Variants in CEP43 observed in about 807,000 individuals in gnomAD.
CEP43 encodes FGFR1 oncogene partner.
CEP43 carries 36 observed loss-of-function variants against 52.6 expected under a neutral mutation model. The ratio of observed to expected loss-of-function variants is 0.68; its 90% confidence interval spans 0.52 to 0.90. The LOEUF (loss-of-function observed/expected upper bound fraction) is 0.90. Ranked by LOEUF, CEP43 falls within the 40% of genes least tolerant of loss-of-function variation. The pLI, the probability that CEP43 is intolerant of heterozygous loss-of-function variation, is 0.00. For synonymous variants in CEP43, 192 were observed against 172.4 expected (o/e 1.11, Z -0.89); for missense variants, 506 against 472.8 (o/e 1.07, Z -0.65).
rs1221538894 is a variant in CEP43, at chr6:167,051,144, C to T, written c.*11166C>T. 1 of 152,066 alleles carries T rather than the reference C, an allele frequency of 6.6e-6. No homozygotes were observed. Among genetic ancestry groups the T allele is most frequent in the Non-Finnish European group, 1.5e-5 (1 of 68,016 alleles). 9.4% of individuals were successfully genotyped at this position (152,066 alleles called of 1,614,324 possible). ...GGTTCAAGTAGGGCCATCTGGTTGT[C>T]AGAAATGCAAAAGCCTGGAAAGTCA... On this transcript the variant is annotated 3_prime_UTR_variant, in exon 13 of 13. Transcript: ENST00000366847.
chr6:167,029,135 G>GT (rs1334783141), intron 10 of CEP43, among the ~76,000 whole-genome samples: 1 of 152,156 alleles, frequency 6.6e-6, no homozygotes, highest in African/African-American at 2.4e-5. Context: ...TTCACAGGCT[G>GT]AACAAAAGCA....
rs539994883 is a variant in CEP43 at position 167,028,316 on chromosome 6, C to T, written c.988+1701C>T. On this transcript the variant is annotated intron_variant, in intron 10 of 12. Transcript: ENST00000366847. Reference sequence around the variant, plus strand: ...GGAGGGAATGTCGTTGCTGGGGCTGCAGAGTTGCTGGGTACAGGCAGGAGG... The same window carrying T: ...GGAGGGAATGTCGTTGCTGGGGCTGTAGAGTTGCTGGGTACAGGCAGGAGG... The T allele has an allele frequency of 5.1e-6, 5 of 985,372 alleles. No homozygotes were observed. In the African/African-American group the frequency reaches 7.0e-5, roughly 14 times the overall value. 61.0% of individuals were successfully genotyped at this position (985,372 alleles called of 1,614,324 possible).
At chr6:167,029,321 C>T (rs1780418806) in intron 10 of CEP43, among the ~76,000 whole-genome samples, 1 of 152,170 alleles carries the variant, frequency 6.6e-6, no homozygotes, top group Non-Finnish European at 1.5e-5. Context: ...ATTTGCTGAC[C>T]CTTAAAGTAA....
chr6:167,010,825 C>A lies in CEP43; in HGVS notation c.451C>A (p.Leu151Ile). ...GPTTGEGALD[L>I]SDVHSPPKSP... ...TAAAATATTTTAGGGTGCACTTGATCTATCTGATGTACATTCTCCACCAAA... is the reference window on the plus strand; with the variant it reads ...TAAAATATTTTAGGGTGCACTTGATATATCTGATGTACATTCTCCACCAAA... The change falls in exon 6 of 13, where the codon CTA (leucine) becomes ATA (isoleucine). Residue 151 changes from leucine (L) to isoleucine (I), a missense_variant. By Grantham distance (5) the Leu-to-Ile change is conservative (BLOSUM62 2). Transcript: ENST00000366847. 1 of 1,560,102 alleles carries A rather than the reference C, an allele frequency of 6.4e-7. No homozygotes were observed. The highest frequency in any genetic ancestry group is 8.7e-7 in the Non-Finnish European group (1 of 1,152,988).
At chr6:167,004,144 A>G in intron 4 of CEP43, 120 bp from the exon 5 acceptor site, 1 of 1,076,376 alleles carries the variant, frequency 9.3e-7, no homozygotes, top group South Asian at 1.9e-5. Flanking sequence ...CATTTCATTC[A>G]TTAGTAAGAC....
chr6:167,042,505 C>A lies in CEP43; in HGVS notation c.*2527C>A. On this transcript the variant is annotated 3_prime_UTR_variant, in exon 13 of 13. Transcript: ENST00000366847. ...TTAGTCCCTGCCTCATGCTTGCCCA[C>A]AGCTCTTCCTCCCCTCCTTACTTCC... is the stretch of plus-strand genomic sequence containing the variant. The A allele has an allele frequency of 3.0e-6, 1 of 330,212 alleles. No individual in the cohort carries two copies. Among genetic ancestry groups the A allele is most frequent in the Non-Finnish European group, 4.3e-6 (1 of 230,788 alleles). The allele number at this position is 330,212 out of a possible 1,614,324, so 20.5% of individuals were successfully genotyped here.
intron 7 of CEP43, among the ~76,000 whole-genome samples, chr6:167,016,982 A>G (rs1464812046): frequency 2.0e-5 from 3 of 149,544 alleles, no homozygotes; most frequent in Admixed American, 6.6e-5. Flanking sequence ...TTTATTTATT[A>G]TTTATTTATT....
intron 4 of CEP43, 69 bp from the exon 5 acceptor site, chr6:167,004,195 A>G (rs1408195676): frequency 2.7e-6 from 4 of 1,468,388 alleles, no homozygotes; most frequent in Non-Finnish European, 1.8e-6. Flanking sequence ...CTCTGAAAAT[A>G]TCTTCTTTAC....
chr6:167,007,561 G>T (rs1779883163), intron 5 of CEP43, among the ~76,000 whole-genome samples: 1 of 152,098 alleles, frequency 6.6e-6, no homozygotes, highest in Non-Finnish European at 1.5e-5. Flanking sequence ...AGACCTCAAA[G>T]ATGTATGTTT....
rs6456149 is a variant in CEP43 at position 167,050,414 on chromosome 6, T to C, written c.*10436T>C. The C allele has an allele frequency of 0.38, 58,385 of 152,086 alleles. 11,281 individuals carry two copies. Among genetic ancestry groups the C allele is most frequent in the Middle Eastern group, 0.45 (131 of 294 alleles). 9.4% of individuals were successfully genotyped at this position (152,086 alleles called of 1,614,324 possible). Reference sequence around the variant, plus strand: ...ACTAATACAGGTGTTTTTTAGGTCTTGTTATTGTGTCGTTCACGTCTTTTA... The same window carrying C: ...ACTAATACAGGTGTTTTTTAGGTCTCGTTATTGTGTCGTTCACGTCTTTTA... On this transcript the variant is annotated 3_prime_UTR_variant, in exon 13 of 13. Transcript: ENST00000366847.
intron 4 of CEP43, 180 bp from the exon 5 acceptor site, chr6:167,004,084 T>C (rs1779798037): frequency 1.5e-6 from 1 of 657,294 alleles, no homozygotes; most frequent in Non-Finnish European, 2.5e-6. Context: ...AATGGAAACG[T>C]TGAAGGTAGA....
intron 10 of CEP43, among the ~76,000 whole-genome samples, chr6:167,030,993 C>T (rs1780458493): frequency 6.6e-6 from 1 of 152,136 alleles, no homozygotes; most frequent in Non-Finnish European, 1.5e-5. Flanking sequence ...CCATTCTGTC[C>T]CCCAAATTCA....
chr6:167,038,866 T>C (rs1482589796), intron 12 of CEP43, among the ~76,000 whole-genome samples: 3 of 152,330 alleles, frequency 2.0e-5, no homozygotes, highest in African/African-American at 4.8e-5. Context: ...ATGAGTTCTT[T>C]AGTGGTGATT....
chr6:167,006,060 G>T lies in CEP43; in HGVS notation c.438+1659G>T, dbSNP rs141527105. On this transcript the variant is annotated intron_variant, in intron 5 of 12. Coordinates refer to ENST00000366847, the MANE Select transcript of CEP43 (RefSeq NM_007045.4). ...AGTCACTCAGCCTCCGTGTGCCCAG[G>T]TTCCTTATCTGCAACATGGAGATCA... 1.7e-4 allele frequency among the ~76,000 whole-genome samples: 26 copies of T among 152,272 alleles called. No homozygotes were observed. The East Asian group carries it at 4.4e-3, about 26-fold the overall frequency.
rs192418954 is a variant in CEP43 at position 167,032,889 on chromosome 6, A to G, written c.1028+247A>G. On this transcript the variant is annotated intron_variant, in intron 11 of 12. Transcript: ENST00000366847. ...TCAGGAAACTTGGTAAGAAGAAGAG[A>G]AACAATTGAAGAATTAACTGAGAAG... 2.6e-5 allele frequency among the ~76,000 whole-genome samples: 4 copies of G among 152,288 alleles called. 1 individual carries two copies. The highest frequency in any genetic ancestry group is 2.6e-4 in the Admixed American group (4 of 15,304).
chr6:167,022,436 G>A lies in CEP43; in HGVS notation c.607G>A (p.Asp203Asn), dbSNP rs766486837. The change falls in exon 8 of 13, where the codon GAT (aspartate) becomes AAT (asparagine). Residue 203 changes from aspartate to asparagine, a missense_variant. By Grantham distance (23) the Asp-to-Asn change is conservative (BLOSUM62 1). Transcript: ENST00000366847. ...KKANDEANQSDTSVSLSEPKS... is the reference protein window; with the variant it reads ...KKANDEANQSNTSVSLSEPKS... ...GGCCAATGATGAGGCCAATCAGAGTGATACAAGTGTCTCCTTGTCAGAACC... is the reference window on the plus strand; with the variant it reads ...GGCCAATGATGAGGCCAATCAGAGTAATACAAGTGTCTCCTTGTCAGAACC... 6.2e-7 allele frequency: 1 copy of A among 1,613,952 alleles called. No homozygotes were observed. Among genetic ancestry groups the A allele is most frequent in the South Asian group, 1.1e-5 (1 of 91,080 alleles).
rs2114859007 is a variant in CEP43, at chr6:167,045,412, T to C, written c.*5434T>C. 1 of 142,334 alleles carries C rather than the reference T, an allele frequency of 7.0e-6. No individual in the cohort carries two copies. The highest frequency in any genetic ancestry group is 1.5e-5 in the Non-Finnish European group (1 of 65,018). 8.8% of individuals were successfully genotyped at this position (142,334 alleles called of 1,614,324 possible). A position where few individuals can be genotyped will look rare whatever the true frequency, so the allele number is the denominator to read the frequency against. ...TGCTGGGATTACAGGCATGAGCCAC[T>C]GTACCCAGCCCTGTATTTTCTTTAA... On this transcript the variant is annotated 3_prime_UTR_variant, in exon 13 of 13. Transcript: ENST00000366847.
chr6:167,012,479 A>AGT (rs1158579786), intron 6 of CEP43, among the ~76,000 whole-genome samples: 1 of 152,208 alleles, frequency 6.6e-6, no homozygotes, highest in Non-Finnish European at 1.5e-5. Flanking sequence ...AGCCTATGTA[A>AGT]GTAAGCTTTA....
At chr6:167,002,267 G>A (rs6456145) in intron 2 of CEP43, among the ~76,000 whole-genome samples, 3,798 of 149,910 alleles carry the variant, frequency 0.025, 171 homozygotes, top group African/African-American at 0.089. Context: ...CTTTTTTTTT[G>A]GTCTGTTTCT....
Sources: gnomAD v4.1 joint callset for allele counts (sites outside exome capture counted in the v4.1 genomes callset) on GRCh38, gnomAD v4.1.1 for gene constraint, MANE v1.5 for transcripts, NCBI Gene and HGNC (gene_info 2026-07-23, HGNC 2026-07-21) for gene names.